Variants in CDYL observed in about 807,000 individuals in gnomAD.
CDYL encodes chromodomain Y-like protein.
CDYL carries 8 observed loss-of-function variants against 47.3 expected under a neutral mutation model. The observed-to-expected ratio is 0.17, with a 90% CI of 0.10 to 0.31. The LOEUF (loss-of-function observed/expected upper bound fraction) is 0.31, where lower values mean the gene tolerates loss of function less well. Ranked by LOEUF, CDYL falls within the 10% of genes least tolerant of loss-of-function variation. The probability of loss-of-function intolerance (pLI) is 1.00; values close to 1 mark genes in which losing one functional copy is unlikely to be tolerated. For synonymous variants in CDYL, 266 were observed against 265.0 expected (o/e 1.00, Z -0.04); for missense variants, 471 against 701.4 (o/e 0.67, Z 3.71).
At chr6:4,714,747 A>AC (rs1476114204) in intron 1 of CDYL, 2 of 152,208 alleles carry the variant, frequency 1.3e-5, no homozygotes, top group Non-Finnish European at 2.9e-5. Context: ...TAGGTAAGTT[A>AC]GAGGATGAAG....
chr6:4,889,930 G>C, intron 1 of CDYL: 1 of 981,052 alleles, frequency 1.0e-6, no homozygotes, highest in Non-Finnish European at 1.2e-6. Context: ...GACAGGATCT[G>C]CCTGGGGCCT....
At chr6:4,771,304 G>T (rs1417120705) in intron 3 of CDYL, among the ~76,000 whole-genome samples, 3 of 152,098 alleles carry the variant, frequency 2.0e-5, no homozygotes, top group African/African-American at 7.2e-5. Context: ...AGTGGAGATG[G>T]GGTTTCACCA....
intron 1 of CDYL, among the ~76,000 whole-genome samples, chr6:4,886,780 CTAATT>C (rs1267856934): frequency 6.6e-6 from 1 of 151,886 alleles, no homozygotes; most frequent in Non-Finnish European, 1.5e-5. Flanking sequence ...AAATCACTGC[CTAATT>C]TAAAGTGACA....
chr6:4,893,774 C>G (rs571842576), intron 2 of CDYL, among the ~76,000 whole-genome samples: 34 of 152,040 alleles, frequency 2.2e-4, no homozygotes, highest in African/African-American at 7.7e-4. Flanking sequence ...TAATAGCAAA[C>G]AAAATACAAT....
chr6:4,881,453 C>T (rs568383248), intron 1 of CDYL, among the ~76,000 whole-genome samples: 1 of 152,188 alleles, frequency 6.6e-6, no homozygotes, highest in East Asian at 1.9e-4. Flanking sequence ...CAGGCTGCAT[C>T]CCGGGCCTCA....
chr6:4,725,159 C>A (rs944900460), intron 2 of CDYL, among the ~76,000 whole-genome samples: 1 of 152,216 alleles, frequency 6.6e-6, no homozygotes, highest in African/African-American at 2.4e-5. Context: ...GGTGTGTTTA[C>A]AAACCTTGAG....
rs185011390 is a variant in CDYL, at chr6:4,724,845, T to A, written c.103+8964T>A. On this transcript the variant is annotated intron_variant, in intron 2 of 8. Coordinates refer to the CDYL transcript ENST00000328908. Reference sequence around the variant, plus strand: ...ATATTTATTGCAAAGAGCAAAAAAATAAAGCTTCCAAACCGTGGAAAAAGA... The same window carrying A: ...ATATTTATTGCAAAGAGCAAAAAAAAAAAGCTTCCAAACCGTGGAAAAAGA... The A allele has an allele frequency of 2.6e-5, 4 of 152,136 alleles. No homozygotes were observed. In the South Asian group the frequency reaches 8.3e-4, roughly 32 times the overall value. 9.4% of individuals were successfully genotyped at this position (152,136 alleles called of 1,614,324 possible). A position where few individuals can be genotyped will look rare whatever the true frequency, so the allele number is the denominator to read the frequency against.
At chr6:4,876,920 G>A (rs1452913796) in intron 1 of CDYL, among the ~76,000 whole-genome samples, 2 of 152,180 alleles carry the variant, frequency 1.3e-5, no homozygotes, top group African/African-American at 2.4e-5. Flanking sequence ...CATGGTACTG[G>A]GAGGAGGTTA....
chr6:4,930,333 A>G (rs1757996601), intron 2 of CDYL, among the ~76,000 whole-genome samples: 1 of 152,208 alleles, frequency 6.6e-6, no homozygotes, highest in African/African-American at 2.4e-5. Context: ...TTATCTATGT[A>G]GCTTCCTCCT....
intron 1 of CDYL, chr6:4,890,135 G>A (rs552020016): frequency 2.6e-5 from 26 of 985,316 alleles, no homozygotes; most frequent in Non-Finnish European, 3.0e-5. Context: ...AGGTGGGTTG[G>A]GCAGGAGGCA....
intron 2 of CDYL, among the ~76,000 whole-genome samples, chr6:4,932,872 G>GT (rs757952419): frequency 5.3e-5 from 8 of 152,194 alleles, no homozygotes; most frequent in Non-Finnish European, 1.2e-4. Context: ...GCCCACGTGT[G>GT]TTTTTATTGA....
At chr6:4,718,483 G>A (rs1298070795) in intron 2 of CDYL, 2 of 151,992 alleles carry the variant, frequency 1.3e-5, no homozygotes, top group Admixed American at 6.6e-5. Context: ...TCACCATGTT[G>A]GCCAAGTTGG....
At chr6:4,945,859 A>G (rs116127018) in intron 5 of CDYL, among the ~76,000 whole-genome samples, 2,988 of 152,348 alleles carry the variant, frequency 0.02, 88 homozygotes, top group African/African-American at 0.068. Context: ...TGTTCTGGTC[A>G]CAACGCACCA....
intron 2 of CDYL, among the ~76,000 whole-genome samples, chr6:4,727,023 G>A (rs1757526544): frequency 6.6e-6 from 1 of 152,068 alleles, no homozygotes; most frequent in South Asian, 2.1e-4. Context: ...TACCCTAAGT[G>A]CATATATACA....
intron 3 of CDYL, among the ~76,000 whole-genome samples, chr6:4,744,993 C>G (rs1371616655): frequency 6.6e-6 from 1 of 152,186 alleles, no homozygotes; most frequent in African/African-American, 2.4e-5. Flanking sequence ...GCCCCTGGCT[C>G]TGTTGCCCAG....
chr6:4,787,739 C>G (rs890077553), intron 1 of CDYL, among the ~76,000 whole-genome samples: 1 of 139,896 alleles, frequency 7.1e-6, no homozygotes, highest in Non-Finnish European at 1.5e-5. Context: ...GGTGGAGGTG[C>G]GGACAGGCTG....
Position 4,937,669 on chromosome 6 carries a change from T to C in CDYL, c.1053T>C (p.Phe351=). The C allele has an allele frequency of 6.2e-7, 1 of 1,614,112 alleles. No individual in the cohort carries two copies. Among genetic ancestry groups the C allele is most frequent in the Non-Finnish European group, 8.5e-7 (1 of 1,179,970 alleles). ...GCGTCTTCTGTTGTGGACTTGACTTTATTTATTTTATACGACGTCTGACAG... is the reference window on the plus strand; with the variant it reads ...GCGTCTTCTGTTGTGGACTTGACTTCATTTATTTTATACGACGTCTGACAG... ...VGSVFCCGLD[F]IYFIRRLTDD... Residue 351 remains phenylalanine, a synonymous_variant, in exon 4 of 7, where the codon TTT becomes TTC. Transcript: ENST00000397588.
Position 4,792,036 on chromosome 6 carries a change from C to T in CDYL, c.24+15229C>T, listed in dbSNP as rs530199498. 9.9e-3 allele frequency among the ~76,000 whole-genome samples: 1,499 copies of T among 151,188 alleles called. 37 individuals carry two copies. The highest frequency in any genetic ancestry group is 0.035 in the African/African-American group (1,418 of 40,924). ...TAGCTGGGACTACAGGCGCCTACCA[C>T]CACGCCCGGCTAATTTTTTTTTTTT... On this transcript the variant is annotated intron_variant, in intron 1 of 6. Coordinates refer to ENST00000397588, the MANE Select transcript of CDYL (RefSeq NM_004824.4).
intron 1 of CDYL, among the ~76,000 whole-genome samples, chr6:4,842,208 AAT>A (rs1760521886): frequency 6.9e-6 from 1 of 145,494 alleles, no homozygotes; most frequent in South Asian, 2.1e-4. Flanking sequence ...TATAAATAAT[AAT>A]ATATAATTAT....
Sources: allele counts gnomAD v4.1 joint callset (sites outside exome capture counted in the v4.1 genomes callset), GRCh38; gene constraint gnomAD v4.1.1; transcripts MANE v1.5; gene names NCBI Gene and HGNC (gene_info 2026-07-23, HGNC 2026-07-21).